Variants in RHBDD3 observed in about 807,000 individuals in gnomAD.
RHBDD3 encodes the protein rhomboid domain-containing protein 3.
A neutral mutation model predicts 32.3 loss-of-function variants in RHBDD3; 34 were observed. The ratio of observed to expected loss-of-function variants is 1.05; its 90% confidence interval spans 0.80 to 1.40. RHBDD3 has a LOEUF of 1.40. RHBDD3 is among the 40% of genes most tolerant of loss of function. The probability of loss-of-function intolerance (pLI) is 0.00; values close to 1 mark genes in which losing one functional copy is unlikely to be tolerated. For missense variants in RHBDD3, 482 were observed against 492.6 expected (o/e 0.98, Z 0.20); for synonymous variants, 249 against 239.1 (o/e 1.04, Z -0.38).
chr22:29,262,739 C>T (rs575953047), intron 4 of RHBDD3, among the ~76,000 whole-genome samples: 5 of 152,350 alleles, frequency 3.3e-5, no homozygotes, highest in Admixed American at 3.3e-4. Flanking sequence ...GGAAGTCTCG[C>T]TCTCTCGCCC....
In RHBDD3 at chr22:29,260,450, GAGTCCC is replaced by G. The variant is rs769927250; in HGVS notation, c.853_858del (p.Gly285_Thr286del). 1 of 1,611,200 alleles carries G rather than the reference GAGTCCC, an allele frequency of 6.2e-7. No individual in the cohort carries two copies. The highest frequency in any genetic ancestry group is 1.7e-4 in the Middle Eastern group (1 of 5,980). ...TGCTCATCCAAGGCCGCCCACATCGGAGTCCCTGGGGAGAAGCTGGCCCCAGCCCAG... is the reference window on the plus strand; with the variant it reads ...TGCTCATCCAAGGCCGCCCACATCGGTGGGGAGAAGCTGGCCCCAGCCCAG... On this transcript the variant is annotated inframe_deletion, in exon 6 of 7. Coordinates refer to ENST00000216085, the MANE Select transcript of RHBDD3 (RefSeq NM_012265.3).
In RHBDD3 at chr22:29,260,825, C is replaced by T. The variant is rs780448637; in HGVS notation, c.572G>A (p.Arg191Gln). 4.6e-5 allele frequency: 74 copies of T among 1,604,732 alleles called. 1 individual carries two copies. The South Asian group carries it at 6.8e-4, about 15-fold the overall frequency. ...GAFRWLEPSE[R>Q]RLQVLQEGVL... Reference sequence around the variant, plus strand: ...GCCCTCCTGCAGCACCTGCAGCCGTCGCTCTGAGGGTTCCAGCCACCGGAA... The same window carrying T: ...GCCCTCCTGCAGCACCTGCAGCCGTTGCTCTGAGGGTTCCAGCCACCGGAA... Residue 191 changes from arginine (R) to glutamine (Q), a missense_variant, in exon 5 of 7, where the codon CGA becomes CAA. By Grantham distance (43) the Arg-to-Gln change is conservative. Transcript: ENST00000216085.
chr22:29,260,081 G>C lies in RHBDD3; in HGVS notation c.1140C>G (p.Ser380=). The change falls in exon 7 of 7, where the codon TCC becomes TCG. Residue 380 remains serine (S), a synonymous_variant. Coordinates refer to ENST00000216085, the MANE Select transcript of RHBDD3 (RefSeq NM_012265.3). ...VTHGKGGPAH[S]EGPGPP is the part of the protein sequence containing the mutation. ...TGGGCTAGGGAGGCCCAGGACCCTC[G>C]GAGTGGGCAGGCCCACCCTTTCCAT... 1 of 1,569,528 alleles carries C rather than the reference G, an allele frequency of 6.4e-7. No individual in the cohort carries two copies. Among genetic ancestry groups the C allele is most frequent in the Non-Finnish European group, 8.6e-7 (1 of 1,157,752 alleles).
Position 29,260,704 on chromosome 22 carries a change from C to T in RHBDD3, c.693G>A (p.Val231=). The part of the protein sequence containing the change: ...AELPVTHPAG[V]RPPIPGPPYV... ...GGCATCCCCCCCATCACCCTCACCTCACTCCGGCAGGATGGGTGACAGGCA... is the reference window on the plus strand; with the variant it reads ...GGCATCCCCCCCATCACCCTCACCTTACTCCGGCAGGATGGGTGACAGGCA... Residue 231 remains valine (V), a splice_region_variant and synonymous_variant, in exon 5 of 7, where the codon GTG becomes GTA. Transcript: ENST00000216085. 2.5e-6 allele frequency: 4 copies of T among 1,577,282 alleles called. No individual in the cohort carries two copies. The highest frequency in any genetic ancestry group is 3.4e-6 in the Non-Finnish European group (4 of 1,162,354).
chr22:29,268,109 T>C, upstream of RHBDD3: 1 of 614,546 alleles, frequency 1.6e-6, no homozygotes, highest in Non-Finnish European at 2.9e-6. Flanking sequence ...GCCCCTTAGA[T>C]GCTATTTTGG....
In RHBDD3 at chr22:29,260,613, C is replaced by T. The variant is rs767107864; in HGVS notation, c.696G>A (p.Arg232=). The T allele has an allele frequency of 2.5e-6, 4 of 1,586,332 alleles. No homozygotes were observed. In the Admixed American group the frequency reaches 7.0e-5, roughly 28 times the overall value. The stretch of plus-strand genomic sequence containing the variant: ...CATAAGGCGGTCCAGGGATGGGAGG[C>T]CTGGAGGAGTGGGAAGAGAAGAGGG... ...ELPVTHPAGV[R]PPIPGPPYVA... The change falls in exon 6 of 7, where the codon AGG becomes AGA. Residue 232 remains arginine, a splice_region_variant and synonymous_variant. Coordinates refer to ENST00000216085, the MANE Select transcript of RHBDD3 (RefSeq NM_012265.3).
Position 29,260,734 on chromosome 22 carries a change from C to T in RHBDD3, c.663G>A (p.Ala221=), listed in dbSNP as rs754415117. The change falls in exon 5 of 7, where the codon GCG becomes GCA. Residue 221 remains alanine, a synonymous_variant. Transcript: ENST00000216085. ...LRLLATPGSL[A]ELPVTHPAGV... is the part of the protein sequence containing the mutation. ...CGGCAGGATGGGTGACAGGCAGCTC[C>T]GCCAGGCTACCCGGGGTGGCAAGGA... The T allele has an allele frequency of 1.4e-5, 23 of 1,593,988 alleles. 1 individual carries two copies. In the East Asian group the frequency reaches 1.8e-4, roughly 13 times the overall value.
chr22:29,260,671 C>G (rs1289710283), intron 5 of RHBDD3, 31 bp downstream of exon 5: 3 of 1,552,392 alleles, frequency 1.9e-6, no homozygotes, highest in Non-Finnish European at 2.6e-6. Context: ...GTGCCCACCA[C>G]CTGGACTGGC....
intron 4 of RHBDD3, chr22:29,261,080 G>A: frequency 1.6e-6 from 1 of 613,980 alleles, no homozygotes; most frequent in Admixed American, 3.0e-5. Flanking sequence ...ACAGAGCCAG[G>A]TATGCCTCAC....
rs781387349 is a variant in RHBDD3 at position 29,265,521 on chromosome 22, C to T, written c.106G>A (p.Gly36Ser). 119 of 1,572,728 alleles carry T rather than the reference C, an allele frequency of 7.6e-5. No homozygotes were observed. Among genetic ancestry groups the T allele is most frequent in the East Asian group, 1.2e-4 (5 of 41,352 alleles). Reference sequence around the variant, plus strand: ...AACAGCTCCGGGGCCAGGACCAGGCCGGGGCCGGCCCCCACCAGCCACAGG... The same window carrying T: ...AACAGCTCCGGGGCCAGGACCAGGCTGGGGCCGGCCCCCACCAGCCACAGG... ...STLWLVGAGP[G>S]LVLAPELLLD... Residue 36 changes from glycine to serine, a missense_variant, in exon 3 of 7, where the codon GGC (glycine) becomes AGC (serine). Coordinates refer to ENST00000216085, the MANE Select transcript of RHBDD3 (RefSeq NM_012265.3).
chr22:29,259,951 C>G lies in RHBDD3; in HGVS notation c.*109G>C. 8.6e-7 allele frequency: 1 copy of G among 1,160,956 alleles called. No individual in the cohort carries two copies. Among genetic ancestry groups the G allele is most frequent in the Non-Finnish European group, 1.2e-6 (1 of 837,880 alleles). The allele number at this position is 1,160,956 out of a possible 1,614,324, so 71.9% of individuals were successfully genotyped here. ...GGCCTCTCCTGCCTCCAGAGGTGCC[C>G]CTGCTCCCCACTGTGGCCCTCTTTA... is the stretch of plus-strand genomic sequence containing the variant. On this transcript the variant is annotated 3_prime_UTR_variant, in exon 7 of 7. Transcript: ENST00000216085.
chr22:29,261,255 A>G (rs1198056475), intron 4 of RHBDD3: 20 of 492,648 alleles, frequency 4.1e-5, no homozygotes, highest in Admixed American at 2.8e-4. Flanking sequence ...CAGAGTGCAG[A>G]GGCCAGCCTG....
Position 29,265,585 on chromosome 22 carries a change from C to A in RHBDD3, c.42G>T (p.Leu14=). Residue 14 remains leucine (L), a synonymous_variant, in exon 3 of 7, where the codon CTG becomes CTT. Coordinates refer to ENST00000216085, the MANE Select transcript of RHBDD3 (RefSeq NM_012265.3). ...RGPHGQLSPA[L]PLASSVLMLL... The stretch of plus-strand genomic sequence containing the variant: ...GCATCAGGACTGAGGAGGCCAGAGG[C>A]AGTGCTGGGGACAGTTGGCCATGGG... 1 of 1,591,466 alleles carries A rather than the reference C, an allele frequency of 6.3e-7. No homozygotes were observed. Among genetic ancestry groups the A allele is most frequent in the East Asian group, 2.4e-5 (1 of 42,508 alleles).
At chr22:29,266,034 T>C (rs2058172206) in intron 2 of RHBDD3, among the ~76,000 whole-genome samples, 1 of 151,964 alleles carries the variant, frequency 6.6e-6, no homozygotes, top group African/African-American at 2.4e-5. Flanking sequence ...CTTCCTCCCC[T>C]CCCCTGTTCC....
chr22:29,265,403 G>A lies in RHBDD3; in HGVS notation c.148+76C>T, dbSNP rs565210136. On this transcript the variant is annotated intron_variant, in intron 3 of 6. Coordinates refer to ENST00000216085, the MANE Select transcript of RHBDD3 (RefSeq NM_012265.3). ...CCTGTTTGACCCCTGGAGGCCTTGT[G>A]CTGCTCCTGCCAAGTGGGCCCAGGC... is the stretch of plus-strand genomic sequence containing the variant. 2.2e-5 allele frequency: 29 copies of A among 1,299,222 alleles called. No homozygotes were observed. The African/African-American group carries it at 3.9e-4, about 17-fold the overall frequency. 80.5% of individuals were successfully genotyped at this position (1,299,222 alleles called of 1,614,324 possible). A position where few individuals can be genotyped will look rare whatever the true frequency, so the allele number is the denominator to read the frequency against.
Position 29,260,743 on chromosome 22 carries a change from AC to A in RHBDD3, c.653del (p.Gly218ValfsTer14). The A allele has an allele frequency of 6.3e-7, 1 of 1,597,658 alleles. No individual in the cohort carries two copies. Among genetic ancestry groups the A allele is most frequent in the Non-Finnish European group, 8.5e-7 (1 of 1,173,160 alleles). On this transcript the variant is annotated frameshift_variant, in exon 5 of 7. Coordinates refer to ENST00000216085, the MANE Select transcript of RHBDD3 (RefSeq NM_012265.3). LOFTEE classifies it high-confidence loss of function. ...CWPLRLLATP[G>X]SLAELPVTHP... ...GGGTGACAGGCAGCTCCGCCAGGCT[AC>A]CCGGGGTGGCAAGGAGCCTCAGGGG...
In RHBDD3 at chr22:29,261,108, C is replaced by A. The variant is rs1427793704; in HGVS notation, c.533-244G>T. 6.6e-6 allele frequency: 4 copies of A among 601,720 alleles called. No individual in the cohort carries two copies. In the African/African-American group the frequency reaches 7.4e-5, roughly 11 times the overall value. The allele number at this position is 601,720 out of a possible 1,614,324, so 37.3% of individuals were successfully genotyped here. A position where few individuals can be genotyped will look rare whatever the true frequency, so the allele number is the denominator to read the frequency against. On this transcript the variant is annotated intron_variant, in intron 4 of 6. Transcript: ENST00000216085. Reference sequence around the variant, plus strand: ...TGCCTCACCCCAAGGCCTGGGCTCACCCGTGACCCACTCTGTTCCCAGAAC... The same window carrying A: ...TGCCTCACCCCAAGGCCTGGGCTCAACCGTGACCCACTCTGTTCCCAGAAC...
chr22:29,264,443 G>A (rs2058154797), intron 3 of RHBDD3: 3 of 1,328,358 alleles, frequency 2.3e-6, no homozygotes, highest in South Asian at 2.3e-5. Context: ...AGAATACACT[G>A]GACGTGCCAC....
chr22:29,262,279 C>T (rs1259414354), intron 4 of RHBDD3, among the ~76,000 whole-genome samples: 2 of 151,502 alleles, frequency 1.3e-5, no homozygotes, highest in African/African-American at 4.9e-5. Flanking sequence ...GCTGGGATTA[C>T]AGGCGTGTGC....
Sources: gnomAD v4.1 joint callset for allele counts (sites outside exome capture counted in the v4.1 genomes callset) on GRCh38, gnomAD v4.1.1 for gene constraint, MANE v1.5 for transcripts, NCBI Gene and HGNC (gene_info 2026-07-23, HGNC 2026-07-21) for gene names.